ERCC8: variants seen among roughly 807,000 people sequenced by gnomAD.
ERCC8 encodes DNA excision repair protein ERCC-8.
Under a neutral mutation model 54.9 loss-of-function variants are expected in ERCC8, and 52 were observed. The ratio of observed to expected loss-of-function variants is 0.95; its 90% CI spans 0.76 to 1.19. ERCC8 has a LOEUF of 1.19. ERCC8 is among the 50% of genes most tolerant of loss of function. ERCC8 has a pLI of 0.00. For synonymous variants in ERCC8, 146 were observed against 157.2 expected (o/e 0.93, Z 0.53); for missense variants, 514 against 466.1 (o/e 1.10, Z -0.95).
At chr5:60,889,336 G>T (rs562439255) in intron 10 of ERCC8, among the ~76,000 whole-genome samples, 2 of 152,228 alleles carry the variant, frequency 1.3e-5, no homozygotes, top group East Asian at 1.9e-4. Context: ...CTAGATTCAT[G>T]AATTTATATT....
In ERCC8 at chr5:60,872,087, C is replaced by A. The variant is rs1244993768; in HGVS notation, c.*2528G>T. On this transcript the variant is annotated 3_prime_UTR_variant, in exon 12 of 12. Coordinates refer to ENST00000676185, the MANE Select transcript of ERCC8 (RefSeq NM_000082.4). ...AAGTGTTAGGATTACAACCACCGTG[C>A]CCGGCCAATAGCTTTTTCAAACTAG... Among the ~76,000 whole-genome samples the A allele has an allele frequency of 2.0e-5, 3 of 152,134 alleles. No individual in the cohort carries two copies. Among genetic ancestry groups the A allele is most frequent in the African/African-American group, 7.2e-5 (3 of 41,442 alleles).
At chr5:60,944,609 C>G (rs952053070) in intron 1 of ERCC8, among the ~76,000 whole-genome samples, 2 of 152,114 alleles carry the variant, frequency 1.3e-5, no homozygotes, top group African/African-American at 4.8e-5. Flanking sequence ...CCGTGGAGGG[C>G]AGTTATTCTT....
chr5:60,919,484 T>G (rs1250016601), intron 3 of ERCC8: 2 of 152,018 alleles, frequency 1.3e-5, no homozygotes, highest in Non-Finnish European at 2.9e-5. Context: ...TGTGGTGCTA[T>G]CTGAAGGAAT....
Position 60,870,522 on chromosome 5 carries a change from C to G in ERCC8, c.*4093G>C, listed in dbSNP as rs1017728576. 2.2e-5 allele frequency among the ~76,000 whole-genome samples: 3 copies of G among 135,108 alleles called. No individual in the cohort carries two copies. Among genetic ancestry groups the G allele is most frequent in the African/African-American group, 8.5e-5 (3 of 35,398 alleles). 88.6% of individuals were successfully genotyped at this position (135,108 alleles called of 152,430 possible). ...AAAAAAAAAAAAAAAATTAGCCAGGCGTGGTGGTGGGCACCTGTAATCCCA... is the reference window on the plus strand; with the variant it reads ...AAAAAAAAAAAAAAAATTAGCCAGGGGTGGTGGTGGGCACCTGTAATCCCA... On this transcript the variant is annotated 3_prime_UTR_variant, in exon 12 of 12. Transcript: ENST00000676185.
rs1035744598 is a variant in ERCC8, at chr5:60,873,435, G to A, written c.*1180C>T. Among the ~76,000 whole-genome samples, 1 of 152,192 alleles carries A rather than the reference G, an allele frequency of 6.6e-6. No individual in the cohort carries two copies. The highest frequency in any genetic ancestry group is 1.5e-5 in the Non-Finnish European group (1 of 68,036). On this transcript the variant is annotated 3_prime_UTR_variant, in exon 12 of 12. Coordinates refer to ENST00000676185, the MANE Select transcript of ERCC8 (RefSeq NM_000082.4). ...CAAGCTTATAATTCCAGCACTTTGA[G>A]AGGCCGAGGCGGGTGGATCATTTGA...
chr5:60,925,255 T>C (rs897368750), intron 2 of ERCC8, among the ~76,000 whole-genome samples: 1 of 152,230 alleles, frequency 6.6e-6, no homozygotes, highest in Non-Finnish European at 1.5e-5. Flanking sequence ...AAGCTTACTT[T>C]CAGAGATTTC....
At chr5:60,881,165 G>A (rs186129584) in intron 11 of ERCC8, among the ~76,000 whole-genome samples, 4 of 152,202 alleles carry the variant, frequency 2.6e-5, no homozygotes, top group Admixed American at 2.6e-4. Context: ...CTCAGAGACT[G>A]CAGAACAGTG....
chr5:60,912,314 T>G (rs1189495932), intron 4 of ERCC8, among the ~76,000 whole-genome samples: 1 of 152,116 alleles, frequency 6.6e-6, no homozygotes, highest in Non-Finnish European at 1.5e-5. Context: ...TCACATCCCT[T>G]GTAAGTTGGA....
chr5:60,870,494 A>AAAAAAT lies in ERCC8; in HGVS notation c.*4120_*4121insATTTTT, dbSNP rs1392927402. Among the ~76,000 whole-genome samples, 1 of 121,862 alleles carries AAAAAAT rather than the reference A, an allele frequency of 8.2e-6. No homozygotes were observed. The highest frequency in any genetic ancestry group is 1.9e-5 in the Non-Finnish European group (1 of 52,146). 79.9% of individuals were successfully genotyped at this position (121,862 alleles called of 152,430 possible). A position where few individuals can be genotyped will look rare whatever the true frequency, so the allele number is the denominator to read the frequency against. ...ACCCCACCTCTGCTAAAAAAAAAAA[A>AAAAAAT]AAAAAAAAAAAAAAAAAATTAGCCA... On this transcript the variant is annotated 3_prime_UTR_variant, in exon 12 of 12. Transcript: ENST00000676185.
intron 3 of ERCC8, among the ~76,000 whole-genome samples, chr5:60,921,660 T>C (rs4647074): frequency 0.02 from 3,040 of 152,012 alleles, 119 homozygotes; most frequent in African/African-American, 0.07. Context: ...AACCTTTTTC[T>C]TCCATTAGTA....
chr5:60,880,507 A>C (rs11957440), intron 11 of ERCC8, among the ~76,000 whole-genome samples: 58,171 of 151,472 alleles, frequency 0.38, 12,041 homozygotes, highest in East Asian at 0.8. Flanking sequence ...TACACCAATC[A>C]GATGTAGATT....
At chr5:60,879,309 T>C (rs899230034) in intron 11 of ERCC8, among the ~76,000 whole-genome samples, 6 of 152,216 alleles carry the variant, frequency 3.9e-5, no homozygotes, top group African/African-American at 9.6e-5. Context: ...AATTTTGGAA[T>C]AGGTGTGGTG....
chr5:60,888,518 G>A (rs1471965438), intron 10 of ERCC8, among the ~76,000 whole-genome samples: 1 of 152,180 alleles, frequency 6.6e-6, no homozygotes, highest in African/African-American at 2.4e-5. Context: ...CACACCCAGT[G>A]AAGACATAAA....
chr5:60,904,630 G>A (rs200881652), intron 5 of ERCC8, among the ~76,000 whole-genome samples, 162 bp downstream of exon 5: 1,052 of 43,848 alleles, frequency 0.024, 15 homozygotes, highest in Middle Eastern at 0.036. Flanking sequence ...TAGTGTGTGT[G>A]TGTGTATATA....
chr5:60,882,970 A>AACACACACACACACAC (rs10550173), intron 11 of ERCC8, among the ~76,000 whole-genome samples: 17 of 144,736 alleles, frequency 1.2e-4, no homozygotes, highest in African/African-American at 4.4e-4. Flanking sequence ...GCCCTGGGAA[A>AACACACACACACACAC]ACACACACAC....
chr5:60,899,416 C>A (rs1187346425), intron 8 of ERCC8, among the ~76,000 whole-genome samples: 3 of 151,810 alleles, frequency 2.0e-5, no homozygotes, highest in African/African-American at 4.8e-5. Context: ...AATTTGGGGG[C>A]AAATGAAACT....
intron 2 of ERCC8, among the ~76,000 whole-genome samples, chr5:60,925,393 G>A (rs527964015): frequency 1.3e-5 from 2 of 152,216 alleles, no homozygotes; most frequent in Admixed American, 6.5e-5. Context: ...TACTGGGGGC[G>A]CACTTTGACT....
chr5:60,882,847 GT>G (rs1479597071), intron 11 of ERCC8, among the ~76,000 whole-genome samples: 2 of 152,004 alleles, frequency 1.3e-5, no homozygotes, highest in African/African-American at 4.8e-5. Context: ...ATTAAATTAG[GT>G]TATTTAGTGA....
At position 60,867,177 on chromosome 5, in the gene ERCC8, T is replaced by C. The variant is rs1041598313; in HGVS notation, c.*7438A>G. Among the ~76,000 whole-genome samples the C allele has an allele frequency of 3.3e-5, 5 of 152,008 alleles. No individual in the cohort carries two copies. Among genetic ancestry groups the C allele is most frequent in the African/African-American group, 7.2e-5 (3 of 41,442 alleles). ...CCAATGAAAAAAGAAGGAAAAAAAATATCCAAATGTATATGTTTCCTTGGT... is the reference window on the plus strand; with the variant it reads ...CCAATGAAAAAAGAAGGAAAAAAAACATCCAAATGTATATGTTTCCTTGGT... On this transcript the variant is annotated 3_prime_UTR_variant, in exon 12 of 12. Transcript: ENST00000676185.
Sources: allele counts gnomAD v4.1 joint callset (sites outside exome capture counted in the v4.1 genomes callset), GRCh38; gene constraint gnomAD v4.1.1; transcripts MANE v1.5; gene names NCBI Gene and HGNC (gene_info 2026-07-23, HGNC 2026-07-21).